The following RNF7 variants were observed in gnomAD, a reference collection of about 807,000 sequenced individuals.
The protein encoded by RNF7 is ring finger protein 7, also known as RING-box protein 2.
RNF7 carries 9 observed loss-of-function variants against 17.0 expected under a neutral mutation model. The ratio of observed to expected loss-of-function variants is 0.53; its 90% CI spans 0.32 to 0.92. The LOEUF is 0.92. Ranked by LOEUF, RNF7 falls within the 40% of genes least tolerant of loss-of-function variation. RNF7 has a pLI of 0.04. For synonymous variants in RNF7, 59 were observed against 50.5 expected (o/e 1.17, Z -0.72); for missense variants, 87 against 145.8 (o/e 0.60, Z 2.08).
At position 141,746,900 on chromosome 3, in the gene RNF7, C is replaced by G. The variant is rs1217224421; in HGVS notation, c.*1623C>G. ...GCTACTGAAAAAATTATACAAATAT[C>G]TTTGGCCATTTAAATGTTTATCATT... On this transcript the variant is annotated 3_prime_UTR_variant, in exon 3 of 3. Transcript: ENST00000273480. 2.0e-5 allele frequency: 3 copies of G among 152,084 alleles called. No homozygotes were observed. The highest frequency in any genetic ancestry group is 4.4e-5 in the Non-Finnish European group (3 of 68,016). The allele number at this position is 152,084 out of a possible 1,614,324, so 9.4% of individuals were successfully genotyped here. A position where few individuals can be genotyped will look rare whatever the true frequency, so the allele number is the denominator to read the frequency against.
Position 141,743,525 on chromosome 3 carries a change from T to C in RNF7, c.192T>C (p.Cys64=). ...TACTTTTAGATGCCTGTCTTAGATG[T>C]CAAGCTGAAAACAAACAAGAGGACT... ...RVQVMDACLR[C]QAENKQEDCV... The change falls in exon 2 of 3, where the codon TGT becomes TGC. Residue 64 remains cysteine, a synonymous_variant. Transcript: ENST00000273480. 1 of 1,610,938 alleles carries C rather than the reference T, an allele frequency of 6.2e-7. No individual in the cohort carries two copies. Among genetic ancestry groups the C allele is most frequent in the East Asian group, 2.2e-5 (1 of 44,704 alleles).
chr3:141,743,887 T>C (rs1246235064), intron 2 of RNF7, among the ~76,000 whole-genome samples: 1 of 152,218 alleles, frequency 6.6e-6, no homozygotes, highest in East Asian at 1.9e-4. Context: ...GGCTATGTTA[T>C]AGGTCACTTT....
intron 1 of RNF7, 49 bp downstream of exon 1, chr3:141,738,565 G>A: frequency 1.3e-6 from 2 of 1,538,436 alleles, no homozygotes; most frequent in Non-Finnish European, 8.8e-7. Context: ...TCCGGGAGCC[G>A]ACCTCGGGGT....
chr3:141,743,027 TGAAAAC>T, intron 1 of RNF7: 1 of 478,046 alleles, frequency 2.1e-6, no homozygotes, highest in Non-Finnish European at 2.8e-6. Flanking sequence ...CCTGGAAGAG[TGAAAAC>T]TCTCCTTCCC....
intron 1 of RNF7, among the ~76,000 whole-genome samples, chr3:141,740,333 C>T (rs2084404355): frequency 6.6e-6 from 1 of 151,998 alleles, no homozygotes; most frequent in African/African-American, 2.4e-5. Context: ...CTATTTCCTC[C>T]CCAAAGGAAA....
intron 1 of RNF7, among the ~76,000 whole-genome samples, chr3:141,739,671 G>A (rs562881615): frequency 3.2e-4 from 49 of 152,260 alleles, no homozygotes; most frequent in African/African-American, 1.2e-3. Flanking sequence ...AAGAGATTTC[G>A]CAGTTTATGC....
Position 141,746,840 on chromosome 3 carries a change from A to G in RNF7, c.*1563A>G, listed in dbSNP as rs2084479604. On this transcript the variant is annotated 3_prime_UTR_variant, in exon 3 of 3. Transcript: ENST00000273480. ...TTTTATTGATCACATTTCTCTGGAA[A>G]TTTTTCTTTATATTTTTTCACAGTT... is the stretch of plus-strand genomic sequence containing the variant. 1 of 152,128 alleles carries G rather than the reference A, an allele frequency of 6.6e-6. No homozygotes were observed. Among genetic ancestry groups the G allele is most frequent in the Non-Finnish European group, 1.5e-5 (1 of 68,018 alleles). The allele number at this position is 152,128 out of a possible 1,614,324, so 9.4% of individuals were successfully genotyped here.
At position 141,745,483 on chromosome 3, in the gene RNF7, T is replaced by A; in HGVS notation, c.*206T>A. On this transcript the variant is annotated 3_prime_UTR_variant, in exon 3 of 3. Transcript: ENST00000273480. ...AATTCTCTGCGATTAAGAAGATAATTTATTAAAGGTGGTCCTTCCTACCTC... is the reference window on the plus strand; with the variant it reads ...AATTCTCTGCGATTAAGAAGATAATATATTAAAGGTGGTCCTTCCTACCTC... The A allele has an allele frequency of 5.4e-6, 2 of 368,644 alleles. No individual in the cohort carries two copies. Among genetic ancestry groups the A allele is most frequent in the Non-Finnish European group, 1.0e-5 (2 of 196,800 alleles). The allele number at this position is 368,644 out of a possible 1,614,324, so 22.8% of individuals were successfully genotyped here.
intron 1 of RNF7, among the ~76,000 whole-genome samples, chr3:141,742,336 C>T (rs1313666346): frequency 1.3e-5 from 2 of 150,798 alleles, no homozygotes; most frequent in African/African-American, 4.9e-5. Flanking sequence ...ACGCCATTCT[C>T]CTGCCTCAGC....
rs1487516932 is a variant in RNF7, at chr3:141,738,358, A to G, written c.17A>G (p.Asp6Gly). 6.3e-7 allele frequency: 1 copy of G among 1,578,194 alleles called. No individual in the cohort carries two copies. Among genetic ancestry groups the G allele is most frequent in the Admixed American group, 1.8e-5 (1 of 54,708 alleles). ...GGCGCCGCCATGGCCGACGTGGAAGACGGAGAGGAAACCTGCGCCCTGGCC... is the reference window on the plus strand; with the variant it reads ...GGCGCCGCCATGGCCGACGTGGAAGGCGGAGAGGAAACCTGCGCCCTGGCC... MADVE[D>G]GEETCALASH... Residue 6 changes from aspartate (D) to glycine (G), a missense_variant, in exon 1 of 3, where the codon GAC (aspartate) becomes GGC (glycine). Physicochemically the swap from Asp to Gly is moderately conservative, Grantham distance 94. Transcript: ENST00000273480.
chr3:141,742,958 T>G (rs1279655721), intron 1 of RNF7: 5 of 966,378 alleles, frequency 5.2e-6, no homozygotes, highest in Non-Finnish European at 6.3e-6. Context: ...TTTTTTAATT[T>G]AATTTTTTAT....
chr3:141,739,274 C>A (rs546858522), intron 1 of RNF7, among the ~76,000 whole-genome samples: 1 of 152,312 alleles, frequency 6.6e-6, no homozygotes, highest in African/African-American at 2.4e-5. Context: ...ATGCCATTTC[C>A]TGGAGAAGAT....
At chr3:141,739,133 T>C (rs1016381205) in intron 1 of RNF7, among the ~76,000 whole-genome samples, 1 of 152,232 alleles carries the variant, frequency 6.6e-6, no homozygotes, top group Non-Finnish European at 1.5e-5. Context: ...ACGGGTCAGA[T>C]AGCACTAGCG....
At chr3:141,742,335 T>C (rs978992913) in intron 1 of RNF7, among the ~76,000 whole-genome samples, 8 of 150,296 alleles carry the variant, frequency 5.3e-5, no homozygotes, top group Middle Eastern at 6.8e-3. Context: ...CACGCCATTC[T>C]CCTGCCTCAG....
In RNF7 at chr3:141,746,616, G is replaced by A. The variant is rs1254153778; in HGVS notation, c.*1339G>A. On this transcript the variant is annotated 3_prime_UTR_variant, in exon 3 of 3. Coordinates refer to ENST00000273480, the MANE Select transcript of RNF7 (RefSeq NM_014245.5). ...TTTTGTAACAAATAATGGACCACAA[G>A]TTCATTTTGTATTCTTCTGTAGTAG... is the stretch of plus-strand genomic sequence containing the variant. 1.3e-5 allele frequency: 2 copies of A among 152,114 alleles called. No homozygotes were observed. Among genetic ancestry groups the A allele is most frequent in the East Asian group, 3.8e-4 (2 of 5,198 alleles). 9.4% of individuals were successfully genotyped at this position (152,114 alleles called of 1,614,324 possible).
At chr3:141,738,748 C>T (rs748209362) in intron 1 of RNF7, among the ~76,000 whole-genome samples, 4 of 152,238 alleles carry the variant, frequency 2.6e-5, no homozygotes, top group Non-Finnish European at 4.4e-5. Context: ...CGCCCTGCGC[C>T]GGGTGGTTGG....
chr3:141,747,286 G>A lies in RNF7; in HGVS notation c.*2009G>A, dbSNP rs909021853. On this transcript the variant is annotated 3_prime_UTR_variant, in exon 3 of 3. Transcript: ENST00000273480. ...CATACTCATCAGAGGGAACATGCCG[G>A]GACAATTTTGGGTTCCAATACAAAA... 6.6e-6 allele frequency: 1 copy of A among 152,160 alleles called. No homozygotes were observed. Among genetic ancestry groups the A allele is most frequent in the Non-Finnish European group, 1.5e-5 (1 of 68,032 alleles). 9.4% of individuals were successfully genotyped at this position (152,160 alleles called of 1,614,324 possible). A position where few individuals can be genotyped will look rare whatever the true frequency, so the allele number is the denominator to read the frequency against.
chr3:141,742,810 C>A, intron 1 of RNF7: 1 of 1,206,378 alleles, frequency 8.3e-7, no homozygotes, highest in Non-Finnish European at 1.0e-6. Flanking sequence ...CTATTGGAAG[C>A]ATACAAAGCA....
At chr3:141,744,633 G>C (rs1559832458) in intron 2 of RNF7, among the ~76,000 whole-genome samples, 1 of 152,186 alleles carries the variant, frequency 6.6e-6, no homozygotes. Context: ...GAATTGCACT[G>C]CTTATGGGTG....
Sources: gnomAD v4.1 joint callset for allele counts (sites outside exome capture counted in the v4.1 genomes callset) on GRCh38, gnomAD v4.1.1 for gene constraint, MANE v1.5 for transcripts, NCBI Gene and HGNC (gene_info 2026-07-23, HGNC 2026-07-21) for gene names.